SERPINA5: variants seen among roughly 807,000 people sequenced by gnomAD.
The protein encoded by SERPINA5 is plasma serine protease inhibitor.
A neutral mutation model predicts 25.3 loss-of-function variants in SERPINA5; 25 were observed. That is an observed-to-expected ratio of 0.99 (90% CI 0.72 to 1.38). The LOEUF (loss-of-function observed/expected upper bound fraction) is 1.38. Among genes scored for constraint, SERPINA5 ranks in the 40% most tolerant of loss-of-function variants. The pLI is 0.00. For synonymous variants in SERPINA5, 234 were observed against 206.2 expected (o/e 1.14, Z -1.16); for missense variants, 599 against 509.5 (o/e 1.18, Z -1.69).
At chr14:94,586,825 C>T (rs1464492473) in intron 2 of SERPINA5, 1 of 152,722 alleles carries the variant, frequency 6.5e-6, no homozygotes, top group South Asian at 2.1e-4. Context: ...GACACTCACT[C>T]AGCGTTTGCT....
chr14:94,590,665 T>C, intron 4 of SERPINA5, 84 bp from the exon 5 acceptor site: 2 of 1,441,630 alleles, frequency 1.4e-6, no homozygotes, highest in Non-Finnish European at 1.9e-6. Context: ...AAACTAAGAA[T>C]CCAGTGCATT....
intron 2 of SERPINA5, among the ~76,000 whole-genome samples, chr14:94,585,602 G>A (rs1885048011): frequency 1.3e-5 from 2 of 152,208 alleles, no homozygotes; most frequent in Admixed American, 1.3e-4. Context: ...GGCTGCCCCT[G>A]CCTGGTGGGG....
At chr14:94,590,392 A>G (rs940184675) in intron 4 of SERPINA5, 81 bp downstream of exon 4, 1 of 1,464,804 alleles carries the variant, frequency 6.8e-7, no homozygotes, top group East Asian at 2.3e-5. Flanking sequence ...GCCACACAGC[A>G]CTGGTGGGAA....
In SERPINA5 at chr14:94,587,895, A is replaced by G. The variant is rs374457624; in HGVS notation, c.533A>G (p.Lys178Arg). ...AAGCAGATCAATGATTATGTGGCAAAGCAAACGAAGGGCAAGATTGTGGAC... is the reference window on the plus strand; with the variant it reads ...AAGCAGATCAATGATTATGTGGCAAGGCAAACGAAGGGCAAGATTGTGGAC... ...AMKQINDYVA[K>R]QTKGKIVDLL... The change falls in exon 3 of 6, where the codon AAG (lysine) becomes AGG (arginine). Residue 178 changes from lysine to arginine, a missense_variant. By Grantham distance (26) the Lys-to-Arg change is conservative (BLOSUM62 2). Coordinates refer to ENST00000329597, the MANE Select transcript of SERPINA5 (RefSeq NM_000624.6). The G allele has an allele frequency of 4.0e-5, 65 of 1,614,138 alleles. No homozygotes were observed. Among genetic ancestry groups the G allele is most frequent in the Non-Finnish European group, 5.2e-5 (61 of 1,180,058 alleles).
chr14:94,590,036 T>G lies in SERPINA5; in HGVS notation c.620-5T>G, dbSNP rs368178258. 2.6e-6 allele frequency: 4 copies of G among 1,563,086 alleles called. No individual in the cohort carries two copies. The African/African-American group carries it at 5.5e-5, about 21-fold the overall frequency. ...TTTTTCATTTTTCCCTTTTTTCATC[T>G]TTAGCTAAGTGGGAGACAAGCTTCA... is the stretch of plus-strand genomic sequence containing the variant. On this transcript the variant is annotated splice_polypyrimidine_tract_variant and splice_region_variant and intron_variant, in intron 3 of 5. Coordinates refer to ENST00000329597, the MANE Select transcript of SERPINA5 (RefSeq NM_000624.6).
chr14:94,590,118 G>A lies in SERPINA5; in HGVS notation c.697G>A (p.Val233Ile). The A allele has an allele frequency of 6.2e-7, 1 of 1,614,020 alleles. No homozygotes were observed. The highest frequency in any genetic ancestry group is 8.5e-7 in the Non-Finnish European group (1 of 1,179,956). The change falls in exon 4 of 6, where the codon GTA becomes ATA. Residue 233 changes from valine (V) to isoleucine (I), a missense_variant. Physicochemically the swap from Val to Ile is conservative, Grantham distance 29 (BLOSUM62 3). Transcript: ENST00000329597. ...CGTGACCTCGGAGACTGTGGTGCGG[G>A]TACCCATGATGAGCCGCGAGGATCA... ...FYVTSETVVRVPMMSREDQYH... is the reference protein window; with the variant it reads ...FYVTSETVVRIPMMSREDQYH...
At chr14:94,586,290 T>C (rs2069963) in intron 2 of SERPINA5, among the ~76,000 whole-genome samples, 105,860 of 152,066 alleles carry the variant, frequency 0.7, 37,272 homozygotes, top group East Asian at 0.8. Context: ...CATGGGCTGC[T>C]GTCACAAAGT....
At position 94,592,233 on chromosome 14, in the gene SERPINA5, C is replaced by T. The variant is rs1885330797; in HGVS notation, c.1215C>T (p.Arg405=). ...TCCTCTTCCTTGGCAAAGTGAACCG[C>T]CCCTGAGGTGGGGCTTCTCCTGAAA... is the stretch of plus-strand genomic sequence containing the variant. ...NNILFLGKVN[R]P is the part of the protein sequence containing the mutation. Residue 405 remains arginine (R), a synonymous_variant, in exon 6 of 6, where the codon CGC becomes CGT. Coordinates refer to ENST00000329597, the MANE Select transcript of SERPINA5 (RefSeq NM_000624.6). 1.2e-6 allele frequency: 2 copies of T among 1,611,846 alleles called. No individual in the cohort carries two copies. The highest frequency in any genetic ancestry group is 1.7e-4 in the Middle Eastern group (1 of 6,056).
chr14:94,590,637 C>T, intron 4 of SERPINA5, 112 bp from the exon 5 acceptor site: 2 of 1,255,174 alleles, frequency 1.6e-6, no homozygotes, highest in East Asian at 2.4e-5. Flanking sequence ...GTTAAGGAGT[C>T]CTTTTTTAAA....
intron 2 of SERPINA5, among the ~76,000 whole-genome samples, chr14:94,586,638 G>T (rs1258782324): frequency 6.6e-6 from 1 of 152,270 alleles, no homozygotes; most frequent in South Asian, 2.1e-4. Flanking sequence ...TATGCATTTT[G>T]GGGGCACAAT....
rs570051474 is a variant in SERPINA5, at chr14:94,592,111, G to T, written c.1093G>T (p.Ala365Ser). The change falls in exon 6 of 6, where the codon GCC (alanine) becomes TCC (serine). Residue 365 changes from alanine (A) to serine (S), a missense_variant. Ala to Ser is a moderately conservative substitution (Grantham distance 99). Coordinates refer to ENST00000329597, the MANE Select transcript of SERPINA5 (RefSeq NM_000624.6). ...VDESGTRAAA[A>S]TGTIFTFRSA... ...CGAGTCGGGAACCAGAGCAGCGGCA[G>T]CCACGGGGACAATATTCACTTTCAG... 24 of 1,614,154 alleles carry T rather than the reference G, an allele frequency of 1.5e-5. No individual in the cohort carries two copies. The highest frequency in any genetic ancestry group is 2.0e-5 in the Non-Finnish European group (24 of 1,179,986).
intron 5 of SERPINA5, among the ~76,000 whole-genome samples, chr14:94,591,222 CTCCACTCCACTCCTCCACTCCACTCA>C (rs1595082217): frequency 8.8e-5 from 13 of 148,342 alleles, no homozygotes; most frequent in East Asian, 4.1e-4. Flanking sequence ...CACTCCACTC[CTCCACTCCACTCCTCCACTCCACTCA>C]TCCACTCCAC....
In SERPINA5 at chr14:94,587,971, C is replaced by A; in HGVS notation, c.609C>A (p.Ile203=). 2 of 1,613,680 alleles carry A rather than the reference C, an allele frequency of 1.2e-6. No individual in the cohort carries two copies. Among genetic ancestry groups the A allele is most frequent in the Non-Finnish European group, 1.7e-6 (2 of 1,179,650 alleles). Residue 203 remains isoleucine, a synonymous_variant, in exon 3 of 6, where the codon ATC becomes ATA. Transcript: ENST00000329597. The part of the protein sequence containing the change: ...SNAVVIMVNY[I]FFKAKWETSF... ...CGGTCGTGATCATGGTGAATTACAT[C>A]TTCTTTAAAGGTAAGGCCCTTGGGC... is the stretch of plus-strand genomic sequence containing the variant.
At chr14:94,590,984 C>A in intron 5 of SERPINA5, 88 bp downstream of exon 5, 1 of 1,354,046 alleles carries the variant, frequency 7.4e-7, no homozygotes, top group Non-Finnish European at 1.0e-6. Context: ...TCATTCCATT[C>A]CATTCCACTC....
chr14:94,590,940 C>A, intron 5 of SERPINA5, 44 bp downstream of exon 5: 1 of 1,557,192 alleles, frequency 6.4e-7, no homozygotes, highest in Non-Finnish European at 8.7e-7. Context: ...AAGGTCTATT[C>A]TGTTCTATTC....
At chr14:94,589,500 A>C (rs2139929691) in intron 3 of SERPINA5, among the ~76,000 whole-genome samples, 1 of 152,264 alleles carries the variant, frequency 6.6e-6, no homozygotes, top group East Asian at 1.9e-4. Flanking sequence ...TAAAATAAAA[A>C]GAAGTTGGAA....
intron 2 of SERPINA5, among the ~76,000 whole-genome samples, chr14:94,584,745 T>A (rs1885021360): frequency 6.6e-6 from 1 of 152,208 alleles, no homozygotes; most frequent in Admixed American, 6.5e-5. Context: ...CCCCTGCTTC[T>A]GAAGCTGTTC....
rs1363446340 is a variant in SERPINA5 at position 94,590,178 on chromosome 14, A to C, written c.757A>C (p.Arg253=). ...HYLLDRNLSC[R]VVGVPYQGNA... ...CCTCCTGGACCGGAACCTCTCCTGC[A>C]GGGTGGTGGGGGTCCCCTACCAAGG... Residue 253 remains arginine, a synonymous_variant, in exon 4 of 6, where the codon AGG becomes CGG. Coordinates refer to ENST00000329597, the MANE Select transcript of SERPINA5 (RefSeq NM_000624.6). The C allele has an allele frequency of 6.2e-7, 1 of 1,614,152 alleles. No individual in the cohort carries two copies. Among genetic ancestry groups the C allele is most frequent in the East Asian group, 2.2e-5 (1 of 44,870 alleles).
chr14:94,582,762 G>A (rs1055724340), intron 2 of SERPINA5, among the ~76,000 whole-genome samples: 5 of 152,166 alleles, frequency 3.3e-5, no homozygotes, highest in African/African-American at 4.8e-5. Context: ...GAGAGAGGCC[G>A]GAATGAAAAA....
Sources: gnomAD v4.1 joint callset for allele counts (sites outside exome capture counted in the v4.1 genomes callset) on GRCh38, gnomAD v4.1.1 for gene constraint, MANE v1.5 for transcripts, NCBI Gene and HGNC (gene_info 2026-07-23, HGNC 2026-07-21) for gene names.